The following SLC25A26 variants were observed in gnomAD, a reference collection of about 807,000 sequenced individuals.
SLC25A26 encodes solute carrier family 25 member 26, also known as mitochondrial S-adenosylmethionine carrier protein.
A neutral mutation model predicts 37.8 loss-of-function variants in SLC25A26; 36 were observed. The observed-to-expected ratio is 0.95, with a 90% CI of 0.73 to 1.26. The LOEUF (loss-of-function observed/expected upper bound fraction) is 1.26, where lower values mean the gene tolerates loss of function less well. Ranked by LOEUF, SLC25A26 falls within the 50% of genes most tolerant of loss-of-function variation. SLC25A26 has a pLI of 0.00. For missense variants in SLC25A26, 390 were observed against 331.1 expected, an observed-to-expected ratio of 1.18 and a Z score of -1.38; for synonymous variants, 129 against 122.5, an observed-to-expected ratio of 1.05 and a Z score of -0.35.
intron 1 of SLC25A26, among the ~76,000 whole-genome samples, chr3:66,200,899 A>G (rs1009812106): frequency 8.5e-5 from 13 of 152,130 alleles, no homozygotes; most frequent in Non-Finnish European, 1.3e-4. Context: ...TAAGTGGGGG[A>G]AATATCCCTA....
chr3:66,210,153 C>A (rs1429886575), intron 1 of SLC25A26, among the ~76,000 whole-genome samples: 3 of 150,950 alleles, frequency 2.0e-5, no homozygotes, highest in African/African-American at 7.3e-5. Context: ...AGCAATTGAG[C>A]CTATATGATG....
intron 1 of SLC25A26, among the ~76,000 whole-genome samples, chr3:66,209,143 A>G (rs1327787587): frequency 2.2e-5 from 2 of 89,110 alleles, no homozygotes; most frequent in Non-Finnish European, 4.5e-5. Flanking sequence ...CCTTTTATAT[A>G]TATATATACC....
chr3:66,373,618 G>A (rs926017098), intron 9 of SLC25A26, among the ~76,000 whole-genome samples: 1 of 152,020 alleles, frequency 6.6e-6, no homozygotes, highest in East Asian at 1.9e-4. Context: ...AGGCAGGAAG[G>A]ACATAGTGGT....
chr3:66,273,427 C>T (rs1029976183), intron 5 of SLC25A26, among the ~76,000 whole-genome samples: 1 of 151,932 alleles, frequency 6.6e-6, no homozygotes, highest in African/African-American at 2.4e-5. Context: ...GTCCTGGACT[C>T]TTTTTGGTTG....
chr3:66,340,544 T>C (rs1024842836), intron 5 of SLC25A26, among the ~76,000 whole-genome samples: 10 of 152,082 alleles, frequency 6.6e-5, no homozygotes, highest in African/African-American at 2.4e-4. Context: ...GGATTGAGCT[T>C]TTATCTTTAG....
rs2076345126 is a variant in SLC25A26 at position 66,347,144 on chromosome 3, GCTT to G, written c.498+739_498+741del. Among the ~76,000 whole-genome samples, 7 of 152,158 alleles carry G rather than the reference GCTT, an allele frequency of 4.6e-5. No homozygotes were observed. The South Asian group carries it at 1.5e-3, about 32-fold the overall frequency. On this transcript the variant is annotated intron_variant, in intron 6 of 9. Coordinates refer to ENST00000354883, the MANE Select transcript of SLC25A26 (RefSeq NM_001379210.1). ...AAATGGGATCTAATTAAACTAAAGA[GCTT>G]CTGCACAGCAAAAGAAACTATCATC...
At chr3:66,276,716 T>A (rs960703932) in intron 5 of SLC25A26, among the ~76,000 whole-genome samples, 7 of 152,056 alleles carry the variant, frequency 4.6e-5, no homozygotes, top group Non-Finnish European at 8.8e-5. Context: ...GGCCTTGAAG[T>A]GGTTTTGGTA....
At chr3:66,158,868 C>T (rs553954356) in intron 1 of SLC25A26, among the ~76,000 whole-genome samples, 3 of 152,054 alleles carry the variant, frequency 2.0e-5, no homozygotes, top group Non-Finnish European at 4.4e-5. Context: ...GTTCCTGAAG[C>T]CTGCTAAGAG....
intron 1 of SLC25A26, among the ~76,000 whole-genome samples, chr3:66,185,176 G>A (rs2070802082): frequency 6.6e-6 from 1 of 152,082 alleles, no homozygotes. Context: ...ATAATTTTGA[G>A]TAATCTAAGT....
chr3:66,243,076 G>A, intron 2 of SLC25A26, 127 bp from the exon 3 acceptor site: 1 of 570,682 alleles, frequency 1.8e-6, no homozygotes, highest in Non-Finnish European at 3.1e-6. Context: ...GAAAAGATAT[G>A]TGCTTATCAC....
intron 1 of SLC25A26, among the ~76,000 whole-genome samples, chr3:66,235,784 G>A (rs2072250657): frequency 1.3e-5 from 2 of 152,164 alleles, no homozygotes. Context: ...GCTTATATAT[G>A]TTTAAAGTAA....
At chr3:66,298,909 A>G (rs972102933) in intron 5 of SLC25A26, among the ~76,000 whole-genome samples, 1 of 152,232 alleles carries the variant, frequency 6.6e-6, no homozygotes, top group African/African-American at 2.4e-5. Flanking sequence ...TCCCTCCCCC[A>G]GATCCCAAGT....
intron 2 of SLC25A26, among the ~76,000 whole-genome samples, chr3:66,240,855 C>T (rs541399452): frequency 6.6e-6 from 1 of 150,848 alleles, no homozygotes; most frequent in Non-Finnish European, 1.5e-5. Flanking sequence ...ATGCCATTCT[C>T]CTGCCTCAGC....
intron 1 of SLC25A26, among the ~76,000 whole-genome samples, chr3:66,227,834 G>A (rs1553661322): frequency 3.3e-5 from 5 of 152,142 alleles, no homozygotes; most frequent in Admixed American, 3.3e-4. Flanking sequence ...GATGGCAGGG[G>A]TTCTTGGGTG....
intron 1 of SLC25A26, among the ~76,000 whole-genome samples, chr3:66,175,121 A>G (rs1488151945): frequency 2.9e-4 from 26 of 89,296 alleles, no homozygotes; most frequent in Admixed American, 1.0e-3. Context: ...ATATATATAT[A>G]TATATATATA....
chr3:66,177,870 G>C (rs767516845), intron 1 of SLC25A26, among the ~76,000 whole-genome samples: 1 of 152,196 alleles, frequency 6.6e-6, no homozygotes, highest in Non-Finnish European at 1.5e-5. Flanking sequence ...ACCCAGAAAG[G>C]TGTTGACTTT....
At chr3:66,220,784 G>C (rs1051296829), upstream of SLC25A26, 2 of 484,550 alleles carry the variant, frequency 4.1e-6, no homozygotes, top group Non-Finnish European at 7.3e-6. Context: ...CTCTCTCCTG[G>C]ATCTCGGCCA....
At chr3:66,166,198 C>T (rs933693097) in intron 1 of SLC25A26, among the ~76,000 whole-genome samples, 3 of 152,184 alleles carry the variant, frequency 2.0e-5, no homozygotes, top group Non-Finnish European at 4.4e-5. Context: ...ACTGATCTGA[C>T]ATCAGTTTAC....
chr3:66,364,035 C>T (rs899546136), intron 7 of SLC25A26, among the ~76,000 whole-genome samples: 1 of 151,802 alleles, frequency 6.6e-6, no homozygotes, highest in Admixed American at 6.6e-5. Context: ...TTTTTGTAGA[C>T]ACTCTCCTGG....
Sources: allele counts gnomAD v4.1 joint callset (sites outside exome capture counted in the v4.1 genomes callset), GRCh38; gene constraint gnomAD v4.1.1; transcripts MANE v1.5; gene names NCBI Gene and HGNC (gene_info 2026-07-23, HGNC 2026-07-21).